Variants in PNP observed in about 807,000 individuals in gnomAD.
PNP encodes HEL-S-156an.
A neutral mutation model predicts 26.8 loss-of-function variants in PNP; 18 were observed. The ratio of observed to expected loss-of-function variants is 0.67; its 90% CI spans 0.46 to 1.00. The LOEUF (loss-of-function observed/expected upper bound fraction) is 1.00, where lower values mean the gene tolerates loss of function less well. PNP is among the 50% of genes least tolerant of loss of function. The pLI, the probability that PNP is intolerant of heterozygous loss-of-function variation, is 0.00. For missense variants in PNP, 320 were observed against 362.9 expected, an observed-to-expected ratio of 0.88 and a Z score of 0.96; for synonymous variants, 116 against 124.8, an observed-to-expected ratio of 0.93 and a Z score of 0.47.
chr14:20,474,427 A>C lies in PNP; in HGVS notation c.182-45A>C, dbSNP rs749346144. ...TAGGTGCTTAATGGATATGTGTTGC[A>C]TGAAAATATAATCCCATTCATTTCT... On this transcript the variant is annotated intron_variant, in intron 2 of 5. Transcript: ENST00000361505. 4 of 1,516,754 alleles carry C rather than the reference A, an allele frequency of 2.6e-6. No individual in the cohort carries two copies. The East Asian group carries it at 9.0e-5, about 34-fold the overall frequency. 94.0% of individuals were successfully genotyped at this position (1,516,754 alleles called of 1,614,324 possible).
chr14:20,472,312 A>C lies in PNP; in HGVS notation c.16A>C (p.Thr6Pro), dbSNP rs763321970. The C allele has an allele frequency of 1.9e-6, 3 of 1,613,282 alleles. No homozygotes were observed. In the Admixed American group the frequency reaches 5.0e-5, roughly 27 times the overall value. ...TTGATATTTTTTCTCCCCCAGATAC[A>C]CCTATGAAGATTATAAGAACACTGC... MENGY[T>P]YEDYKNTAEW... Residue 6 changes from threonine to proline, a missense_variant, in exon 2 of 6, where the codon ACC (threonine) becomes CCC (proline). Thr to Pro is a conservative substitution (Grantham distance 38). Coordinates refer to ENST00000361505, the MANE Select transcript of PNP (RefSeq NM_000270.4).
At chr14:20,472,663 A>G in intron 2 of PNP, 186 bp downstream of exon 2, 1 of 689,338 alleles carries the variant, frequency 1.5e-6, no homozygotes, top group Non-Finnish European at 2.6e-6. Flanking sequence ...CAGACATCCC[A>G]TAAGAGACAG....
Position 20,476,772 on chromosome 14 carries a change from C to G in PNP, c.*171C>G. On this transcript the variant is annotated 3_prime_UTR_variant, in exon 6 of 6. Transcript: ENST00000361505. ...TACCAGACCCTTCTGGTGCCAGATC[C>G]TCTTCTCAAAGCTGGGATTACAGGT... 1.5e-6 allele frequency: 1 copy of G among 677,486 alleles called. No individual in the cohort carries two copies. Among genetic ancestry groups the G allele is most frequent in the Non-Finnish European group, 2.7e-6 (1 of 373,634 alleles). The allele number at this position is 677,486 out of a possible 1,614,324, so 42.0% of individuals were successfully genotyped here.
intron 4 of PNP, 29 bp downstream of exon 4, chr14:20,474,977 T>G: frequency 1.9e-6 from 3 of 1,613,872 alleles, no homozygotes; most frequent in Non-Finnish European, 2.5e-6. Flanking sequence ...TTTTTTTAGG[T>G]GGGTAGGATT....
intron 4 of PNP, 33 bp from the exon 5 acceptor site, chr14:20,475,029 C>T (rs758094958): frequency 3.1e-6 from 5 of 1,613,792 alleles, no homozygotes; most frequent in East Asian, 2.2e-5. Flanking sequence ...TTTAAAATTC[C>T]GTTTATGTGA....
Position 20,476,814 on chromosome 14 carries a change from C to T in PNP, c.*213C>T. 1.7e-6 allele frequency: 1 copy of T among 593,064 alleles called. No individual in the cohort carries two copies. The highest frequency in any genetic ancestry group is 2.9e-5 in the East Asian group (1 of 34,230). The allele number at this position is 593,064 out of a possible 1,614,324, so 36.7% of individuals were successfully genotyped here. A position where few individuals can be genotyped will look rare whatever the true frequency, so the allele number is the denominator to read the frequency against. The stretch of plus-strand genomic sequence containing the variant: ...ATTACAGGTGTGAGCATAGTGAGAC[C>T]TTGGCGCTACAAAATAAAGCTGTTC... On this transcript the variant is annotated 3_prime_UTR_variant, in exon 6 of 6. Transcript: ENST00000361505.
intron 1 of PNP, chr14:20,469,824 G>T (rs1004779056): frequency 3.4e-5 from 20 of 594,438 alleles, no homozygotes; most frequent in Non-Finnish European, 5.4e-5. Context: ...GTGTGTCTCC[G>T]TGTGTGTGTT....
intron 1 of PNP, chr14:20,470,463 A>T (rs939988783): frequency 6.6e-6 from 1 of 152,306 alleles, no homozygotes; most frequent in Non-Finnish European, 1.5e-5. Flanking sequence ...AGCCTGGTGT[A>T]TTGTGCAATC....
Position 20,476,517 on chromosome 14 carries a change from AGCTG to A in PNP, c.789_792del (p.Gly264AsnfsTer57). On this transcript the variant is annotated frameshift_variant, in exon 6 of 6. Coordinates refer to ENST00000361505, the MANE Select transcript of PNP (RefSeq NM_000270.4). LOFTEE classifies it low-confidence loss of function (END_TRUNC). ...AGGCCAACCATGAAGAAGTCTTAGC[AGCTG>A]GCAAACAAGCTGCACAGAAATTGGA... is the stretch of plus-strand genomic sequence containing the variant. 1 of 1,614,224 alleles carries A rather than the reference AGCTG, an allele frequency of 6.2e-7. No homozygotes were observed. The highest frequency in any genetic ancestry group is 8.5e-7 in the Non-Finnish European group (1 of 1,180,048).
At position 20,469,448 on chromosome 14, in the gene PNP, A is replaced by T. The variant is rs1881935660; in HGVS notation, c.-77A>T. On this transcript the variant is annotated 5_prime_UTR_variant, in exon 1 of 6. Transcript: ENST00000361505. ...CCGGCAGCCTTGCTCAGTTCAGCATAGCGGAGCGGATCCGATCGGATCGGA... is the reference window on the plus strand; with the variant it reads ...CCGGCAGCCTTGCTCAGTTCAGCATTGCGGAGCGGATCCGATCGGATCGGA... 2 of 1,539,774 alleles carry T rather than the reference A, an allele frequency of 1.3e-6. No individual in the cohort carries two copies. The highest frequency in any genetic ancestry group is 2.0e-5 in the Admixed American group (1 of 50,984).
Position 20,476,429 on chromosome 14 carries a change from T to A in PNP, c.698T>A (p.Leu233His), listed in dbSNP as rs770355699. Residue 233 changes from leucine to histidine, a missense_variant, in exon 6 of 6, where the codon CTT becomes CAT. Coordinates refer to ENST00000361505, the MANE Select transcript of PNP (RefSeq NM_000270.4). Reference protein sequence around the residue: ...PEVIVARHCGLRVFGFSLITN... With the variant: ...PEVIVARHCGHRVFGFSLITN... ...GTTATCGTTGCACGGCACTGTGGAC[T>A]TCGAGTCTTTGGCTTCTCACTCATC... 2 of 1,614,248 alleles carry A rather than the reference T, an allele frequency of 1.2e-6. No individual in the cohort carries two copies. Among genetic ancestry groups the A allele is most frequent in the South Asian group, 2.2e-5 (2 of 91,078 alleles).
Position 20,474,942 on chromosome 14 carries a change from A to C in PNP, c.455A>C (p.Asp152Ala). ...CAGAACCCTCTCAGAGGGCCCAATG[A>C]TGAAAGGTATGTATGTTACTCCGTT... is the stretch of plus-strand genomic sequence containing the variant. Reference protein sequence around the residue: ...SGQNPLRGPNDERFGDRFPAM... With the variant: ...SGQNPLRGPNAERFGDRFPAM... The change falls in exon 4 of 6, where the codon GAT becomes GCT. Residue 152 changes from aspartate to alanine, a missense_variant. Coordinates refer to ENST00000361505, the MANE Select transcript of PNP (RefSeq NM_000270.4). 1 of 1,614,138 alleles carries C rather than the reference A, an allele frequency of 6.2e-7. No individual in the cohort carries two copies. Among genetic ancestry groups the C allele is most frequent in the Non-Finnish European group, 8.5e-7 (1 of 1,180,000 alleles).
chr14:20,472,796 G>T, intron 2 of PNP: 1 of 301,498 alleles, frequency 3.3e-6, no homozygotes, highest in Non-Finnish European at 6.2e-6. Flanking sequence ...ACTTCTGTTG[G>T]TTTATTTATT....
intron 5 of PNP, among the ~76,000 whole-genome samples, 185 bp from the exon 6 acceptor site, chr14:20,476,199 C>T (rs1005124084): frequency 1.5e-4 from 23 of 152,146 alleles, no homozygotes; most frequent in Admixed American, 2.6e-4. Context: ...CTCAAACTCC[C>T]GGGCTCAAGA....
intron 2 of PNP, 174 bp downstream of exon 2, chr14:20,472,651 A>G: frequency 1.4e-6 from 1 of 705,566 alleles, no homozygotes; most frequent in Non-Finnish European, 2.6e-6. Context: ...AGATGCCTCT[A>G]GCAGACATCC....
rs931229423 is a variant in PNP at position 20,476,605 on chromosome 14, G to A, written c.*4G>A. 6.2e-7 allele frequency: 1 copy of A among 1,613,248 alleles called. No individual in the cohort carries two copies. On this transcript the variant is annotated 3_prime_UTR_variant, in exon 6 of 6. Coordinates refer to ENST00000361505, the MANE Select transcript of PNP (RefSeq NM_000270.4). ...ACTCCCTGACAAAGCCAGTTGACCT[G>A]CCTTGGAGTCGTCTGGCATCTCCCA...
At chr14:20,470,878 A>G (rs1180133523) in intron 1 of PNP, among the ~76,000 whole-genome samples, 1 of 152,222 alleles carries the variant, frequency 6.6e-6, no homozygotes, top group African/African-American at 2.4e-5. Context: ...TATAAGATAG[A>G]TGGGGCCAAT....
At position 20,476,839 on chromosome 14, in the gene PNP, C is replaced by G; in HGVS notation, c.*238C>G. 1.8e-6 allele frequency: 1 copy of G among 542,928 alleles called. No individual in the cohort carries two copies. Among genetic ancestry groups the G allele is most frequent in the African/African-American group, 1.9e-5 (1 of 52,814 alleles). The allele number at this position is 542,928 out of a possible 1,614,324, so 33.6% of individuals were successfully genotyped here. A position where few individuals can be genotyped will look rare whatever the true frequency, so the allele number is the denominator to read the frequency against. ...CTTGGCGCTACAAAATAAAGCTGTT[C>G]TCATTCCTGTTCTTTCTTACACAAG... On this transcript the variant is annotated 3_prime_UTR_variant, in exon 6 of 6. Transcript: ENST00000361505.
In PNP at chr14:20,469,453, A is replaced by G; in HGVS notation, c.-72A>G. On this transcript the variant is annotated 5_prime_UTR_variant, in exon 1 of 6. Coordinates refer to ENST00000361505, the MANE Select transcript of PNP (RefSeq NM_000270.4). ...AGCCTTGCTCAGTTCAGCATAGCGG[A>G]GCGGATCCGATCGGATCGGAGCGGA... The G allele has an allele frequency of 1.3e-6, 2 of 1,542,250 alleles. No individual in the cohort carries two copies. Among genetic ancestry groups the G allele is most frequent in the Non-Finnish European group, 1.8e-6 (2 of 1,140,050 alleles).
Sources: gnomAD v4.1 joint callset for allele counts (sites outside exome capture counted in the v4.1 genomes callset) on GRCh38, gnomAD v4.1.1 for gene constraint, MANE v1.5 for transcripts, NCBI Gene and HGNC (gene_info 2026-07-23, HGNC 2026-07-21) for gene names.